DNTTIP1: variants seen among roughly 807,000 people sequenced by gnomAD.
DNTTIP1 encodes deoxynucleotidyltransferase terminal interacting protein 1, also known as deoxynucleotidyltransferase terminal-interacting protein 1.
A neutral mutation model predicts 52.9 loss-of-function variants in DNTTIP1; 22 were observed. The observed-to-expected ratio is 0.42, with a 90% CI of 0.30 to 0.59. The LOEUF (loss-of-function observed/expected upper bound fraction) is 0.59. Ranked by LOEUF, DNTTIP1 falls within the 20% of genes least tolerant of loss-of-function variation. DNTTIP1 has a pLI of 0.22. For synonymous variants in DNTTIP1, 136 were observed against 155.1 expected, an observed-to-expected ratio of 0.88 and a Z score of 0.92; for missense variants, 286 against 435.5, an observed-to-expected ratio of 0.66 and a Z score of 3.06.
Position 45,804,018 on chromosome 20 carries a change from AG to A in DNTTIP1, c.603+641del, listed in dbSNP as rs559762129. Among the ~76,000 whole-genome samples, 9 of 152,270 alleles carry A rather than the reference AG, an allele frequency of 5.9e-5. 1 individual carries two copies. The East Asian group carries it at 1.5e-3, about 26-fold the overall frequency. On this transcript the variant is annotated intron_variant, in intron 8 of 12. Coordinates refer to ENST00000372622, the MANE Select transcript of DNTTIP1 (RefSeq NM_052951.3). ...CTCCTTGGCCCACTTCTCCATCTAA[AG>A]TAACTCTCTGGATAATCTAAAACAT...
chr20:45,798,799 C>T (rs1034921718), intron 4 of DNTTIP1, among the ~76,000 whole-genome samples: 14 of 152,190 alleles, frequency 9.2e-5, no homozygotes, highest in Non-Finnish European at 1.6e-4. Context: ...TAATCTTGTT[C>T]ACCACTGTAT....
chr20:45,809,434 G>A lies in DNTTIP1; in HGVS notation c.795+249G>A, dbSNP rs1459039595. On this transcript the variant is annotated intron_variant, in intron 11 of 12. Transcript: ENST00000372622. The surrounding 1 kb of genome is among the most constrained non-coding windows in gnomAD (Gnocchi z 4.2). Reference sequence around the variant, plus strand: ...CTCATGCCTCCAAGATCACATATTTGGATACTATTAGCTGTCCATAGGAAT... The same window carrying A: ...CTCATGCCTCCAAGATCACATATTTAGATACTATTAGCTGTCCATAGGAAT... Among the ~76,000 whole-genome samples, 2 of 152,100 alleles carry A rather than the reference G, an allele frequency of 1.3e-5. No homozygotes were observed. Among genetic ancestry groups the A allele is most frequent in the African/African-American group, 4.8e-5 (2 of 41,382 alleles).
intron 10 of DNTTIP1, among the ~76,000 whole-genome samples, chr20:45,805,849 C>G (rs1331742636): frequency 6.6e-6 from 1 of 151,152 alleles, no homozygotes; most frequent in African/African-American, 2.4e-5. Flanking sequence ...TTTGGGAGGC[C>G]AAGGCGGGTG....
chr20:45,801,916 T>G, intron 6 of DNTTIP1, 83 bp from the exon 7 acceptor site: 1 of 1,329,590 alleles, frequency 7.5e-7, no homozygotes, highest in Non-Finnish European at 1.1e-6. Flanking sequence ...GAAAACCATC[T>G]CTGCCAAGTG....
At chr20:45,803,251 A>C (rs1981530381) in intron 7 of DNTTIP1, 82 bp from the exon 8 acceptor site, 6 of 1,385,430 alleles carry the variant, frequency 4.3e-6, no homozygotes, top group Non-Finnish European at 6.1e-6. Context: ...TGTGTGAGGA[A>C]CTCCTACCAC....
intron 4 of DNTTIP1, among the ~76,000 whole-genome samples, chr20:45,799,299 T>C (rs1308598488): frequency 6.6e-6 from 1 of 152,020 alleles, no homozygotes; most frequent in East Asian, 1.9e-4. Context: ...GCCAGAGAAG[T>C]AGAAGGAACA....
At position 45,795,463 on chromosome 20, in the gene DNTTIP1, G is replaced by C. The variant is rs1480696656; in HGVS notation, c.372+20G>C. The C allele has an allele frequency of 2.7e-6, 4 of 1,491,896 alleles. No individual in the cohort carries two copies. The highest frequency in any genetic ancestry group is 3.6e-5 in the Admixed American group (2 of 55,178). 92.4% of individuals were successfully genotyped at this position (1,491,896 alleles called of 1,614,324 possible). ...GAGCAGGTGAGACCAAAGGGGACAAGAGATGCAGGCACAAGGTTTAGCTCT... is the reference window on the plus strand; with the variant it reads ...GAGCAGGTGAGACCAAAGGGGACAACAGATGCAGGCACAAGGTTTAGCTCT... On this transcript the variant is annotated intron_variant, in intron 4 of 12. Coordinates refer to ENST00000372622, the MANE Select transcript of DNTTIP1 (RefSeq NM_052951.3).
intron 2 of DNTTIP1, among the ~76,000 whole-genome samples, chr20:45,793,144 A>G (rs995756343): frequency 9.9e-5 from 15 of 152,262 alleles, no homozygotes; most frequent in Admixed American, 8.5e-4. Context: ...GATTAATAGT[A>G]TGCATGTCAG....
chr20:45,800,399 C>T (rs1329888557), intron 4 of DNTTIP1, among the ~76,000 whole-genome samples: 1 of 151,552 alleles, frequency 6.6e-6, no homozygotes, highest in Non-Finnish European at 1.5e-5. Flanking sequence ...TGTGGCTGGG[C>T]GTGGTGGCTC....
chr20:45,805,110 A>G lies in DNTTIP1; in HGVS notation c.604-36A>G, dbSNP rs183196855. 15 of 1,591,078 alleles carry G rather than the reference A, an allele frequency of 9.4e-6. No homozygotes were observed. The African/African-American group carries it at 2.0e-4, about 21-fold the overall frequency. ...GTTTCTGTCCTACCCATCAGATTAA[A>G]CTTCACCCTCACGAGCTTCTCTATT... On this transcript the variant is annotated intron_variant, in intron 8 of 12. Transcript: ENST00000372622.
Position 45,805,395 on chromosome 20 carries a change from C to T in DNTTIP1, c.723+29C>T, listed in dbSNP as rs144978825. On this transcript the variant is annotated intron_variant, in intron 10 of 12. Transcript: ENST00000372622. ...GGTGACTGCTGGGAGGAAAGCAGGC[C>T]ATTGCATTGGGAGTAGACTGGGAAC... is the stretch of plus-strand genomic sequence containing the variant. 1.3e-4 allele frequency: 210 copies of T among 1,610,232 alleles called. No individual in the cohort carries two copies. The East Asian group carries it at 4.0e-3, about 30-fold the overall frequency.
chr20:45,795,486 T>C, intron 4 of DNTTIP1, 43 bp downstream of exon 4: 8 of 1,229,234 alleles, frequency 6.5e-6, no homozygotes, highest in Non-Finnish European at 9.3e-6. Flanking sequence ...AAGGTTTAGC[T>C]CTCGAGCCTC....
chr20:45,800,694 A>AAAAT (rs1981421579), intron 4 of DNTTIP1, among the ~76,000 whole-genome samples: 2 of 16,416 alleles, frequency 1.2e-4, no homozygotes, highest in Admixed American at 1.0e-3. Context: ...AAAAAAAAAA[A>AAAAT]ATATATATAT....
chr20:45,797,297 G>A (rs1202436630), intron 4 of DNTTIP1, among the ~76,000 whole-genome samples: 1 of 152,160 alleles, frequency 6.6e-6, no homozygotes, highest in Non-Finnish European at 1.5e-5. Flanking sequence ...GCCGAAACTG[G>A]ATCCCTTCCT....
At chr20:45,795,577 T>G in intron 4 of DNTTIP1, 134 bp downstream of exon 4, 1 of 549,932 alleles carries the variant, frequency 1.8e-6, no homozygotes, top group South Asian at 2.0e-5. Flanking sequence ...GGTGGGCAGA[T>G]CACTCAAGGC....
chr20:45,797,925 G>A (rs972670453), intron 4 of DNTTIP1, among the ~76,000 whole-genome samples: 15 of 152,026 alleles, frequency 9.9e-5, no homozygotes, highest in Non-Finnish European at 1.9e-4. Flanking sequence ...TCAGTGTGGC[G>A]ATTCCTCAGG....
intron 4 of DNTTIP1, 144 bp from the exon 5 acceptor site, chr20:45,800,930 G>A: frequency 2.9e-6 from 2 of 680,288 alleles, no homozygotes; most frequent in African/African-American, 3.7e-5. Context: ...GGAGATGGAG[G>A]TTGCAGAGAG....
At chr20:45,797,972 C>T (rs1458985695) in intron 4 of DNTTIP1, among the ~76,000 whole-genome samples, 2 of 151,968 alleles carry the variant, frequency 1.3e-5, no homozygotes, top group African/African-American at 4.8e-5. Flanking sequence ...CCCAGCCATC[C>T]CATTACTGGG....
At chr20:45,803,223 C>T in intron 7 of DNTTIP1, 110 bp from the exon 8 acceptor site, 1 of 1,071,802 alleles carries the variant, frequency 9.3e-7, no homozygotes, top group Middle Eastern at 2.0e-4. Context: ...AGGAGGATGT[C>T]CAGGGCTAAA....
Sources: gnomAD v4.1 joint callset for allele counts (sites outside exome capture counted in the v4.1 genomes callset) on GRCh38, gnomAD v4.1.1 for gene constraint, Gnocchi (gnomAD v3.1) non-coding constraint, MANE v1.5 for transcripts, NCBI Gene and HGNC (gene_info 2026-07-23, HGNC 2026-07-21) for gene names.